TRPC4AP: variants seen among roughly 807,000 people sequenced by gnomAD.
TRPC4AP encodes the protein short transient receptor potential channel 4-associated protein.
A neutral mutation model predicts 99.0 loss-of-function variants in TRPC4AP; 45 were observed. The ratio of observed to expected loss-of-function variants is 0.45; its 90% CI spans 0.36 to 0.58. The LOEUF is 0.58. Ranked by LOEUF, TRPC4AP falls within the 20% of genes least tolerant of loss-of-function variation. The probability of loss-of-function intolerance (pLI) is 0.00; values close to 1 mark genes in which losing one functional copy is unlikely to be tolerated. For missense variants in TRPC4AP, 879 were observed against 985.3 expected (o/e 0.89, Z 1.44); for synonymous variants, 408 against 385.8 (o/e 1.06, Z -0.67).
At chr20:35,070,508 T>A (rs2145994078) in intron 2 of TRPC4AP, among the ~76,000 whole-genome samples, 1 of 152,178 alleles carries the variant, frequency 6.6e-6, no homozygotes, top group Non-Finnish European at 1.5e-5. Context: ...CCTCCCGGGT[T>A]CACGCCATTC....
intron 3 of TRPC4AP, among the ~76,000 whole-genome samples, chr20:35,066,169 T>C (rs772221657): frequency 1.3e-5 from 2 of 152,056 alleles, no homozygotes; most frequent in Admixed American, 6.6e-5. Context: ...CATGGTGCGA[T>C]CTCGGCTCAC....
intron 11 of TRPC4AP, 102 bp from the exon 12 acceptor site, chr20:35,010,390 A>G: frequency 1.1e-6 from 1 of 930,966 alleles, no homozygotes; most frequent in Non-Finnish European, 1.7e-6. Flanking sequence ...CTGTGGACAG[A>G]ATCTGAGAAG....
intron 8 of TRPC4AP, among the ~76,000 whole-genome samples, chr20:35,024,982 T>A (rs1212994449): frequency 6.6e-6 from 1 of 152,080 alleles, no homozygotes; most frequent in African/African-American, 2.4e-5. Flanking sequence ...TTCTCTTGGG[T>A]ATATACCTGG....
intron 7 of TRPC4AP, among the ~76,000 whole-genome samples, chr20:35,038,949 C>T (rs914036568): frequency 6.6e-6 from 1 of 152,210 alleles, no homozygotes; most frequent in African/African-American, 2.4e-5. Flanking sequence ...TGGCGCATGC[C>T]TGTAGTCCCA....
Position 35,006,532 on chromosome 20 carries a change from TC to T in TRPC4AP, c.1729del (p.Asp577MetfsTer13). On this transcript the variant is annotated frameshift_variant, in exon 15 of 19. Coordinates refer to ENST00000252015, the MANE Select transcript of TRPC4AP (RefSeq NM_015638.3). LOFTEE classifies it high-confidence loss of function. ...GAGGTCAAAGTAACTCTGGAGCACA[TC>T]CCTTGACTTACACTCGCTGTCCACA... Reference protein sequence around the residue: ...CIVDSECKSRDVLQSYFDLLG... With the variant: ...CIVDSECKSRXVLQSYFDLLG... The T allele has an allele frequency of 1.2e-6, 2 of 1,614,208 alleles. No individual in the cohort carries two copies. The highest frequency in any genetic ancestry group is 8.5e-7 in the Non-Finnish European group (1 of 1,180,044).
intron 6 of TRPC4AP, among the ~76,000 whole-genome samples, chr20:35,049,560 C>A (rs971333421): frequency 6.6e-6 from 1 of 152,136 alleles, no homozygotes; most frequent in African/African-American, 2.4e-5. Context: ...CTTGCCCCAA[C>A]GGTGATGAGT....
At chr20:35,034,216 T>G (rs2083266076) in intron 8 of TRPC4AP, among the ~76,000 whole-genome samples, 1 of 151,694 alleles carries the variant, frequency 6.6e-6, no homozygotes, top group Non-Finnish European at 1.5e-5. Context: ...TTTTATTTGC[T>G]TACCATCAAA....
At chr20:35,069,176 A>T in intron 3 of TRPC4AP, 120 bp downstream of exon 3, 1 of 656,854 alleles carries the variant, frequency 1.5e-6, no homozygotes, top group Non-Finnish European at 2.7e-6. Context: ...CTAAGCTTCT[A>T]AAAGTTAAAA....
intron 2 of TRPC4AP, among the ~76,000 whole-genome samples, chr20:35,073,451 C>G (rs1300444345): frequency 6.6e-6 from 1 of 152,148 alleles, no homozygotes; most frequent in African/African-American, 2.4e-5. Context: ...AGATACGTCC[C>G]ATCAATACCT....
chr20:35,051,168 T>C (rs1420032506), intron 5 of TRPC4AP, among the ~76,000 whole-genome samples: 1 of 152,200 alleles, frequency 6.6e-6, no homozygotes, highest in Non-Finnish European at 1.5e-5. Context: ...CAAGGTTTAC[T>C]GCGATAAACT....
At chr20:35,032,090 A>G (rs1405956544) in intron 8 of TRPC4AP, among the ~76,000 whole-genome samples, 1 of 152,050 alleles carries the variant, frequency 6.6e-6, no homozygotes, top group East Asian at 1.9e-4. Context: ...GGGTTTCGCC[A>G]TGTTGGCCTG....
At chr20:35,038,412 C>T (rs368412846) in intron 7 of TRPC4AP, among the ~76,000 whole-genome samples, 4 of 151,724 alleles carry the variant, frequency 2.6e-5, no homozygotes, top group Non-Finnish European at 4.4e-5. Flanking sequence ...TCAACACTTA[C>T]CAATTTCCAT....
rs774545018 is a variant in TRPC4AP, at chr20:35,003,483, T to C, written c.2183A>G (p.Asn728Ser). The change falls in exon 18 of 19, where the codon AAC becomes AGC. Residue 728 changes from asparagine to serine, a missense_variant. Physicochemically the swap from Asn to Ser is conservative, Grantham distance 46. Transcript: ENST00000252015. ...CCAGAAGCGCAGCAGGTTGTGGAAG[T>C]TGTTGAGCAGGAAGCCGGGGTACTT... is the stretch of plus-strand genomic sequence containing the variant. ...SKKYPGFLLNNFHNLLRFWQQ... is the reference protein window; with the variant it reads ...SKKYPGFLLNSFHNLLRFWQQ... 3.1e-6 allele frequency: 5 copies of C among 1,613,862 alleles called. No homozygotes were observed. The highest frequency in any genetic ancestry group is 1.1e-5 in the South Asian group (1 of 91,080).
At chr20:35,053,741 T>C (rs2083755538) in intron 5 of TRPC4AP, among the ~76,000 whole-genome samples, 1 of 152,236 alleles carries the variant, frequency 6.6e-6, no homozygotes, top group Non-Finnish European at 1.5e-5. Context: ...TAATTAATTA[T>C]ACTGATTACA....
chr20:35,030,425 G>A (rs1013301038), intron 8 of TRPC4AP: 6 of 151,862 alleles, frequency 4.0e-5, no homozygotes, highest in African/African-American at 9.7e-5. Context: ...AAGCATTTTC[G>A]GATTTATTCT....
intron 9 of TRPC4AP, among the ~76,000 whole-genome samples, chr20:35,020,685 G>A (rs1234526864): frequency 1.3e-5 from 2 of 152,116 alleles, no homozygotes; most frequent in African/African-American, 4.8e-5. Context: ...GAGGAGGGCC[G>A]CACTGTTCCA....
chr20:35,007,504 G>A (rs1476395770), intron 14 of TRPC4AP, 46 bp downstream of exon 14: 2 of 1,593,324 alleles, frequency 1.3e-6, no homozygotes, highest in East Asian at 2.2e-5. Flanking sequence ...CAACGCGTGG[G>A]CTGGGGGGAG....
At position 35,079,860 on chromosome 20, in the gene TRPC4AP, TA is replaced by T. The variant is rs71196784; in HGVS notation, c.169-1687del. Among the ~76,000 whole-genome samples, 373 of 144,442 alleles carry T rather than the reference TA, an allele frequency of 2.6e-3. 1 individual carries two copies. Among genetic ancestry groups the T allele is most frequent in the African/African-American group, 8.4e-3 (325 of 38,914 alleles). 94.8% of individuals were successfully genotyped at this position (144,442 alleles called of 152,430 possible). A position where few individuals can be genotyped will look rare whatever the true frequency, so the allele number is the denominator to read the frequency against. On this transcript the variant is annotated intron_variant, in intron 1 of 18. Coordinates refer to ENST00000252015, the MANE Select transcript of TRPC4AP (RefSeq NM_015638.3). Reference sequence around the variant, plus strand: ...AGCGAGAGCTCGCCTCTACTAAAAATAAAAAAAAAAAATAAGCCAAGGGTGG... The same window carrying T: ...AGCGAGAGCTCGCCTCTACTAAAAATAAAAAAAAAAATAAGCCAAGGGTGG...
At chr20:35,046,875 A>ATT (rs561842976) in intron 6 of TRPC4AP, among the ~76,000 whole-genome samples, 1 of 147,878 alleles carries the variant, frequency 6.8e-6, no homozygotes, top group Admixed American at 6.8e-5. Context: ...AAATTTTAAG[A>ATT]TTTTTTTTTT....
Sources: allele counts gnomAD v4.1 joint callset (sites outside exome capture counted in the v4.1 genomes callset), GRCh38; gene constraint gnomAD v4.1.1; transcripts MANE v1.5; gene names NCBI Gene and HGNC (gene_info 2026-07-23, HGNC 2026-07-21).